ZNF541: variants seen among roughly 807,000 people sequenced by gnomAD.
ZNF541 encodes the protein zinc finger protein 541.
ZNF541 carries 23 observed loss-of-function variants against 123.5 expected under a neutral mutation model. The observed-to-expected ratio is 0.19, with a 90% CI of 0.13 to 0.26. The LOEUF is 0.26. Ranked by LOEUF, ZNF541 falls within the 10% of genes least tolerant of loss-of-function variation. The probability of loss-of-function intolerance (pLI) is 1.00; values close to 1 mark genes in which losing one functional copy is unlikely to be tolerated. For missense variants in ZNF541, 1,612 were observed against 1,789.9 expected (o/e 0.90, Z 1.79); for synonymous variants, 751 against 754.5 (o/e 1.00, Z 0.08).
chr19:47,538,686 T>G (rs1475665641), intron 8 of ZNF541, among the ~76,000 whole-genome samples: 2 of 152,054 alleles, frequency 1.3e-5, no homozygotes, highest in East Asian at 3.8e-4. Flanking sequence ...AAGAATAGCC[T>G]CAATCATTAA....
intron 3 of ZNF541, among the ~76,000 whole-genome samples, chr19:47,550,478 G>T (rs1359315446): frequency 6.6e-6 from 1 of 152,056 alleles, no homozygotes; most frequent in East Asian, 1.9e-4. Context: ...TGGACTAGTA[G>T]GATTATTAGC....
Position 47,532,388 on chromosome 19 carries a change from C to T in ZNF541, c.3159-118G>A, listed in dbSNP as rs951800132. 1.4e-5 allele frequency: 17 copies of T among 1,213,876 alleles called. No individual in the cohort carries two copies. In the South Asian group the frequency reaches 2.2e-4, roughly 16 times the overall value. 75.2% of individuals were successfully genotyped at this position (1,213,876 alleles called of 1,614,324 possible). On this transcript the variant is annotated intron_variant, in intron 10 of 16. Coordinates refer to ENST00000391901, the MANE Select transcript of ZNF541 (RefSeq NM_001277075.3). ...CCACAGCCTGCTCCATGGAAACCCT[C>T]TGCTGTCTCAGGTGCATCAGGTACG...
chr19:47,541,633 TG>T (rs1167447388), intron 5 of ZNF541, among the ~76,000 whole-genome samples: 2 of 152,116 alleles, frequency 1.3e-5, no homozygotes, highest in Non-Finnish European at 2.9e-5. Context: ...GATACACAGA[TG>T]GCCAATAAGA....
At chr19:47,570,642 TG>T (rs1971444400) in intron 2 of ZNF541, among the ~76,000 whole-genome samples, 1 of 151,136 alleles carries the variant, frequency 6.6e-6, no homozygotes, top group African/African-American at 2.4e-5. Flanking sequence ...GGTTTATTAC[TG>T]CCCTTTTAAA....
At position 47,571,990 on chromosome 19, in the gene ZNF541, G is replaced by A. The variant is rs938654292; in HGVS notation, c.-193C>T. ...AGGTGACAAGCAGACCACTGGATAT[G>A]TCCTCCTGGAACACTGAGTGGTAAA... On this transcript the variant is annotated 5_prime_UTR_variant, in exon 2 of 17. Transcript: ENST00000391901. 2.6e-5 allele frequency among the ~76,000 whole-genome samples: 4 copies of A among 152,170 alleles called. No homozygotes were observed. The highest frequency in any genetic ancestry group is 9.7e-5 in the African/African-American group (4 of 41,440).
chr19:47,571,860 G>C (rs1404915776), intron 2 of ZNF541, among the ~76,000 whole-genome samples, 36 bp downstream of exon 2: 1 of 152,176 alleles, frequency 6.6e-6, no homozygotes, highest in Non-Finnish European at 1.5e-5. Context: ...CAACAAAGCA[G>C]GTGTCTTTGG....
At chr19:47,565,636 G>A (rs1292045190) in intron 2 of ZNF541, among the ~76,000 whole-genome samples, 1 of 152,196 alleles carries the variant, frequency 6.6e-6, no homozygotes, top group Non-Finnish European at 1.5e-5. Context: ...CAGAGTGGCA[G>A]TCGGCAAAGT....
At chr19:47,542,649 G>A (rs982202313) in intron 5 of ZNF541, among the ~76,000 whole-genome samples, 4 of 150,586 alleles carry the variant, frequency 2.7e-5, no homozygotes, top group East Asian at 2.0e-4. Flanking sequence ...GAGAGACTCC[G>A]TCTCAAAAAT....
intron 2 of ZNF541, among the ~76,000 whole-genome samples, chr19:47,565,138 G>C (rs1971213135): frequency 6.6e-6 from 1 of 151,740 alleles, no homozygotes; most frequent in Non-Finnish European, 1.5e-5. Context: ...TGATACAATG[G>C]ACTTTGGGGA....
In ZNF541 at chr19:47,545,434, C is replaced by G. The variant is rs1229555249; in HGVS notation, c.1095G>C (p.Pro365=). 2.7e-6 allele frequency: 4 copies of G among 1,480,378 alleles called. No individual in the cohort carries two copies. The East Asian group carries it at 9.9e-5, about 37-fold the overall frequency. 91.7% of individuals were successfully genotyped at this position (1,480,378 alleles called of 1,614,324 possible). ...SRAAENGAPD[P]PEPEPDTALL... ...GCGCGGTATCTGGCTCCGGCTCTGG[C>G]GGGTCGGGGGCGCCGTTCTCGGCGG... Residue 365 remains proline, a synonymous_variant, in exon 5 of 17, where the codon CCG becomes CCC. Transcript: ENST00000391901. This position sits in a 1 kb window ranked among gnomAD's most constrained non-coding sequence, Gnocchi z 7.5.
Position 47,544,982 on chromosome 19 carries a change from G to A in ZNF541, c.1547C>T (p.Pro516Leu). The part of the protein sequence containing the change: ...VDCDSFLCQN[P>L]GEPGLQEAQK... ...GGCCTCCTGGAGGCCGGGCTCCCCGGGGTTCTGGCACAGGAAGGAGTCGCA... is the reference window on the plus strand; with the variant it reads ...GGCCTCCTGGAGGCCGGGCTCCCCGAGGTTCTGGCACAGGAAGGAGTCGCA... The change falls in exon 5 of 17, where the codon CCC becomes CTC. Residue 516 changes from proline to leucine, a missense_variant. This residue lies in a region of ZNF541 where 1,080 missense variants were observed against 1,013.8 expected (regional missense o/e 1.07). Coordinates refer to ENST00000391901, the MANE Select transcript of ZNF541 (RefSeq NM_001277075.3). 2 of 1,530,916 alleles carry A rather than the reference G, an allele frequency of 1.3e-6. No homozygotes were observed. The highest frequency in any genetic ancestry group is 2.4e-5 in the East Asian group (1 of 40,820). The allele number at this position is 1,530,916 out of a possible 1,614,324, so 94.8% of individuals were successfully genotyped here.
intron 3 of ZNF541, among the ~76,000 whole-genome samples, chr19:47,552,303 AGT>A (rs1051196659): frequency 6.6e-6 from 1 of 152,200 alleles, no homozygotes; most frequent in Admixed American, 6.6e-5. Flanking sequence ...CATGAGATGC[AGT>A]GTGACAGACA....
Position 47,539,710 on chromosome 19 carries a change from C to T in ZNF541, c.2791G>A (p.Ala931Thr), listed in dbSNP as rs1969992494. ...VPVTRHIGSM[A>T]MGQEKDGEER... ...GCAGGCCGACAAGCACCCACCATGG[C>T]CATGCTCCCTATGTGTCGGGTCACT... Residue 931 changes from alanine (A) to threonine (T), a missense_variant, in exon 8 of 17, where the codon GCC (alanine) becomes ACC (threonine). Ala to Thr is a moderately conservative substitution (Grantham distance 58, BLOSUM62 0). Coordinates refer to ENST00000391901, the MANE Select transcript of ZNF541 (RefSeq NM_001277075.3). The T allele has an allele frequency of 3.5e-6, 5 of 1,417,614 alleles. No individual in the cohort carries two copies. The highest frequency in any genetic ancestry group is 4.6e-6 in the Non-Finnish European group (5 of 1,088,434). 87.8% of individuals were successfully genotyped at this position (1,417,614 alleles called of 1,614,324 possible). A position where few individuals can be genotyped will look rare whatever the true frequency, so the allele number is the denominator to read the frequency against.
intron 5 of ZNF541, among the ~76,000 whole-genome samples, chr19:47,543,532 C>G (rs1330174760): frequency 6.6e-6 from 1 of 151,424 alleles, no homozygotes. Flanking sequence ...TTCATATCCT[C>G]TGAAGATTCT....
intron 2 of ZNF541, among the ~76,000 whole-genome samples, chr19:47,571,007 T>G (rs567418910): frequency 6.6e-6 from 1 of 151,336 alleles, no homozygotes; most frequent in Non-Finnish European, 1.5e-5. Flanking sequence ...AAGTCCTGCA[T>G]GTCCACATAC....
In ZNF541 at chr19:47,521,586, C is replaced by T; in HGVS notation, c.3780G>A (p.Arg1260=). ...PTPKLKTKSY[R]RESILSSSPN... is the part of the protein sequence containing the mutation. ...GGCTGGAGCTGAGGATGGACTCCCTCCTATAACTCTTGGTCTTTAACTTGG... is the reference window on the plus strand; with the variant it reads ...GGCTGGAGCTGAGGATGGACTCCCTTCTATAACTCTTGGTCTTTAACTTGG... Residue 1260 remains arginine, a synonymous_variant, in exon 16 of 17, where the codon AGG becomes AGA. Transcript: ENST00000391901. The surrounding 1 kb of genome is among the most constrained non-coding windows in gnomAD (Gnocchi z 4.2). 6.4e-7 allele frequency: 1 copy of T among 1,551,740 alleles called. No homozygotes were observed. The highest frequency in any genetic ancestry group is 8.7e-7 in the Non-Finnish European group (1 of 1,146,992).
intron 14 of ZNF541, among the ~76,000 whole-genome samples, chr19:47,526,001 A>G (rs550006703): frequency 6.6e-6 from 1 of 152,196 alleles, no homozygotes; most frequent in Admixed American, 6.5e-5. Flanking sequence ...ATTCTTAGAT[A>G]CAACACCAAA....
intron 5 of ZNF541, 139 bp from the exon 6 acceptor site, chr19:47,541,090 C>A: frequency 1.4e-6 from 1 of 705,262 alleles, no homozygotes; most frequent in Non-Finnish European, 2.3e-6. Context: ...GATAAGACAC[C>A]AAAGCAAAAC....
At chr19:47,564,181 G>C (rs558213859) in intron 2 of ZNF541, among the ~76,000 whole-genome samples, 1 of 151,100 alleles carries the variant, frequency 6.6e-6, no homozygotes, top group African/African-American at 2.5e-5. Flanking sequence ...AAACACATAA[G>C]GTGCTGGGTC....
Sources: gnomAD v4.1 joint callset for allele counts (sites outside exome capture counted in the v4.1 genomes callset) on GRCh38, gnomAD v4.1.1 for gene constraint, gnomAD v4.1.1 regional missense constraint, Gnocchi (gnomAD v3.1) non-coding constraint, MANE v1.5 for transcripts, NCBI Gene and HGNC (gene_info 2026-07-23, HGNC 2026-07-21) for gene names.